Variants in F5 observed in about 807,000 individuals in gnomAD.
F5 encodes the protein activated protein c cofactor.
Under a neutral mutation model 216.4 loss-of-function variants are expected in F5, and 138 were observed. The observed-to-expected ratio is 0.64, with a 90% CI of 0.56 to 0.73. F5 has a LOEUF of 0.73. Among genes scored for constraint, F5 ranks in the 30% least tolerant of loss-of-function variants. The probability of loss-of-function intolerance (pLI) is 0.00; values close to 1 mark genes in which losing one functional copy is unlikely to be tolerated. For synonymous variants in F5, 916 were observed against 930.7 expected (o/e 0.98, Z 0.29); for missense variants, 2,403 against 2,674.0 (o/e 0.90, Z 2.24).
intron 13 of F5, among the ~76,000 whole-genome samples, chr1:169,538,583 A>AAAC (rs1366367248): frequency 6.6e-6 from 1 of 152,208 alleles, no homozygotes; most frequent in African/African-American, 2.4e-5. Context: ...AATGTGTATA[A>AAAC]AACAACAACA....
chr1:169,546,653 A>C, intron 10 of F5, 61 bp from the exon 11 acceptor site: 1 of 1,475,842 alleles, frequency 6.8e-7, no homozygotes. Context: ...ATGGAACAGA[A>C]TAGAGAACTC....
In F5 at chr1:169,523,269, C is replaced by T. The variant is rs915397925; in HGVS notation, c.5976G>A (p.Glu1992=). The change falls in exon 21 of 25, where the codon GAG becomes GAA. Residue 1992 remains glutamate (E), a synonymous_variant. Transcript: ENST00000367797. ...GGTTGGAACTGTAAGCTACATAGAA[C>T]TCTGTGGTATAGCAGGACTTCAGGT... ...KHYLKSCYTT[E]FYVAYSSNQI... 3.7e-6 allele frequency: 6 copies of T among 1,613,968 alleles called. No homozygotes were observed. In the Admixed American group the frequency reaches 1.0e-4, roughly 27 times the overall value.
At chr1:169,519,493 T>C (rs1416667781) in intron 22 of F5, among the ~76,000 whole-genome samples, 2 of 152,160 alleles carry the variant, frequency 1.3e-5, no homozygotes, top group Non-Finnish European at 2.9e-5. Flanking sequence ...ACAAGATCTG[T>C]GTTTTATTTG....
In F5 at chr1:169,520,553, G is replaced by C; in HGVS notation, c.6160C>G (p.Leu2054Val). The C allele has an allele frequency of 6.2e-7, 1 of 1,614,036 alleles. No homozygotes were observed. Among genetic ancestry groups the C allele is most frequent in the Non-Finnish European group, 8.5e-7 (1 of 1,179,956 alleles). Reference sequence around the variant, plus strand: ...TCACAACCTTGCAGTTCCAATCGAAGGGTAGGTCTGTTATAGGCTCGAGTT... The same window carrying C: ...TCACAACCTTGCAGTTCCAATCGAACGGTAGGTCTGTTATAGGCTCGAGTT... Reference protein sequence around the residue: ...SPTRAYNRPTLRLELQGCEVN... With the variant: ...SPTRAYNRPTVRLELQGCEVN... Residue 2054 changes from leucine (L) to valine (V), a missense_variant, in exon 22 of 25, where the codon CTT (leucine) becomes GTT (valine). Coordinates refer to ENST00000367797, the MANE Select transcript of F5 (RefSeq NM_000130.5).
intron 17 of F5, among the ~76,000 whole-genome samples, chr1:169,527,538 G>A (rs867224124): frequency 5.7e-4 from 87 of 152,114 alleles, no homozygotes; most frequent in African/African-American, 2.0e-3. Context: ...CCTAGAAGAG[G>A]AGCAGAACTG....
rs903878782 is a variant in F5, at chr1:169,586,463, G to A, written c.-77C>T. ...CTTGCCGAGCTGCTAACCACACTCCGGGCTGTCCCAGCTGCAATGAGCTCT... is the reference window on the plus strand; with the variant it reads ...CTTGCCGAGCTGCTAACCACACTCCAGGCTGTCCCAGCTGCAATGAGCTCT... On this transcript the variant is annotated 5_prime_UTR_variant, in exon 1 of 25. Transcript: ENST00000367797. 3 of 1,552,246 alleles carry A rather than the reference G, an allele frequency of 1.9e-6. No individual in the cohort carries two copies. The highest frequency in any genetic ancestry group is 1.9e-5 in the Admixed American group (1 of 53,212).
intron 17 of F5, 93 bp from the exon 18 acceptor site, chr1:169,526,110 C>T (rs550064950): frequency 7.0e-6 from 6 of 855,490 alleles, no homozygotes; most frequent in African/African-American, 5.0e-5. Flanking sequence ...TCCTGCTTCA[C>T]AAGAGGCTTT....
At chr1:169,524,765 G>A (rs1659396085) in intron 19 of F5, 72 bp downstream of exon 19, 9 of 1,228,124 alleles carry the variant, frequency 7.3e-6, no homozygotes, top group South Asian at 7.2e-5. Flanking sequence ...GGATTGTCAT[G>A]TATGGTTTCA....
chr1:169,560,889 C>T (rs1660467073), intron 3 of F5, 123 bp from the exon 4 acceptor site: 4 of 815,604 alleles, frequency 4.9e-6, no homozygotes, highest in African/African-American at 3.4e-5. Context: ...CAATAGTGAA[C>T]TTTTATTATT....
chr1:169,535,921 G>A (rs903240929), intron 14 of F5, among the ~76,000 whole-genome samples: 2 of 152,120 alleles, frequency 1.3e-5, no homozygotes, highest in African/African-American at 2.4e-5. Context: ...GTTTTTGAAT[G>A]TGAGCGGTTA....
intron 17 of F5, among the ~76,000 whole-genome samples, chr1:169,526,795 C>T (rs1167527901): frequency 1.3e-5 from 2 of 152,076 alleles, no homozygotes; most frequent in African/African-American, 4.8e-5. Flanking sequence ...TCTTCTAATA[C>T]TTGATGAAAA....
In F5 at chr1:169,513,278, G is replaced by C. The variant is rs1659075622; in HGVS notation, c.*1035C>G. ...TTTTTGGTTGCTCTTTTAACACTAA[G>C]TTTTGGGGTGGTTTATTTCAGACAC... On this transcript the variant is annotated 3_prime_UTR_variant, in exon 25 of 25. Coordinates refer to ENST00000367797, the MANE Select transcript of F5 (RefSeq NM_000130.5). 2.6e-5 allele frequency among the ~76,000 whole-genome samples: 4 copies of C among 151,914 alleles called. No homozygotes were observed. The highest frequency in any genetic ancestry group is 2.6e-4 in the Admixed American group (4 of 15,226).
rs929423310 is a variant in F5, at chr1:169,530,662, C to T, written c.5208+124G>A. On this transcript the variant is annotated intron_variant, in intron 15 of 24. Transcript: ENST00000367797. ...ATAAATGCAGACTGTTAACCACACCCTTATGCATTCCTCATGAAAAGCAAG... is the reference window on the plus strand; with the variant it reads ...ATAAATGCAGACTGTTAACCACACCTTTATGCATTCCTCATGAAAAGCAAG... The T allele has an allele frequency of 4.7e-6, 4 of 856,286 alleles. No homozygotes were observed. The African/African-American group carries it at 6.6e-5, about 14-fold the overall frequency. 53.0% of individuals were successfully genotyped at this position (856,286 alleles called of 1,614,324 possible). A position where few individuals can be genotyped will look rare whatever the true frequency, so the allele number is the denominator to read the frequency against.
At position 169,554,089 on chromosome 1, in the gene F5, T is replaced by A. The variant is rs1185507395; in HGVS notation, c.1118+1093A>T. Among the ~76,000 whole-genome samples, 4 of 152,264 alleles carry A rather than the reference T, an allele frequency of 2.6e-5. No individual in the cohort carries two copies. The East Asian group carries it at 7.7e-4, about 29-fold the overall frequency. ...TTCTTTTTCCTAGTTTAATTGTTTT[T>A]AATAGAAAATACATTCACATAATTT... On this transcript the variant is annotated intron_variant, in intron 7 of 24. Transcript: ENST00000367797.
intron 12 of F5, among the ~76,000 whole-genome samples, chr1:169,543,343 T>C (rs2101820719): frequency 6.6e-6 from 1 of 152,308 alleles, no homozygotes; most frequent in Admixed American, 6.5e-5. Flanking sequence ...CTAAAGCAAT[T>C]TGACATTGCT....
At chr1:169,517,823 AC>A (rs1026506122) in intron 23 of F5, among the ~76,000 whole-genome samples, 1 of 152,196 alleles carries the variant, frequency 6.6e-6, no homozygotes, top group African/African-American at 2.4e-5. Flanking sequence ...GGGGAAGAGA[AC>A]AAAAAAGTTT....
intron 14 of F5, among the ~76,000 whole-genome samples, chr1:169,536,126 T>C (rs1398564489): frequency 6.6e-6 from 1 of 152,134 alleles, no homozygotes; most frequent in African/African-American, 2.4e-5. Context: ...GGAAAACACC[T>C]GAAGATATTT....
chr1:169,578,493 T>G (rs1303537019), intron 2 of F5, among the ~76,000 whole-genome samples: 5 of 152,186 alleles, frequency 3.3e-5, no homozygotes. Flanking sequence ...CTTATGGCAT[T>G]TAGCACAATG....
intron 3 of F5, among the ~76,000 whole-genome samples, chr1:169,568,280 A>G (rs1328427580): frequency 6.6e-6 from 1 of 152,124 alleles, no homozygotes; most frequent in East Asian, 1.9e-4. Context: ...GAAACAGTGA[A>G]TGATATAGAC....
Sources: allele counts gnomAD v4.1 joint callset (sites outside exome capture counted in the v4.1 genomes callset), GRCh38; gene constraint gnomAD v4.1.1; transcripts MANE v1.5; gene names NCBI Gene and HGNC (gene_info 2026-07-23, HGNC 2026-07-21).